The following EPB41L2 variants were observed in gnomAD, a reference collection of about 807,000 sequenced individuals.
The protein encoded by EPB41L2 is band 4.1-like protein 2.
In EPB41L2, 43 loss-of-function variants were observed where a neutral mutation model predicts 113.0. The observed-to-expected ratio is 0.38, with a 90% CI of 0.30 to 0.49. The LOEUF is 0.49. Among genes scored for constraint, EPB41L2 ranks in the 20% least tolerant of loss-of-function variants. The pLI is 0.95. For synonymous variants in EPB41L2, 442 were observed against 436.7 expected, an observed-to-expected ratio of 1.01 and a Z score of -0.15; for missense variants, 1,147 against 1,223.4, an observed-to-expected ratio of 0.94 and a Z score of 0.93.
At chr6:130,877,849 T>C (rs1466386005) in intron 14 of EPB41L2, among the ~76,000 whole-genome samples, 2 of 135,952 alleles carry the variant, frequency 1.5e-5, no homozygotes, top group Admixed American at 7.5e-5. Context: ...ATTACTACAA[T>C]TTACCTGAGT....
At chr6:130,969,855 A>G (rs927221732) in intron 1 of EPB41L2, among the ~76,000 whole-genome samples, 4 of 152,266 alleles carry the variant, frequency 2.6e-5, no homozygotes, top group Middle Eastern at 3.4e-3. Context: ...CTGATTTTGT[A>G]CAGTATTATG....
At position 130,955,156 on chromosome 6, in the gene EPB41L2, G is replaced by C. The variant is rs200083554; in HGVS notation, c.654C>G (p.Val218=). The change falls in exon 3 of 20, where the codon GTC becomes GTG. Residue 218 remains valine (V), a synonymous_variant. Coordinates refer to ENST00000337057, the MANE Select transcript of EPB41L2 (RefSeq NM_001431.4). The part of the protein sequence containing the change: ...SQKVTKKTKT[V]QCKVTLLDGT... The stretch of plus-strand genomic sequence containing the variant: ...CATCTAAGAGGGTCACTTTACACTG[G>C]ACAGTTTTGGTCTTCTTGGTGACTT... 6.2e-7 allele frequency: 1 copy of C among 1,614,130 alleles called. No homozygotes were observed. The highest frequency in any genetic ancestry group is 2.2e-5 in the East Asian group (1 of 44,880).
At chr6:130,986,868 A>G (rs1780681670) in intron 1 of EPB41L2, among the ~76,000 whole-genome samples, 1 of 152,234 alleles carries the variant, frequency 6.6e-6, no homozygotes, top group East Asian at 1.9e-4. Flanking sequence ...GATCTCATTA[A>G]AGAAAAAAGA....
chr6:130,917,387 G>A (rs755871363), intron 4 of EPB41L2, among the ~76,000 whole-genome samples: 1 of 152,122 alleles, frequency 6.6e-6, no homozygotes, highest in Non-Finnish European at 1.5e-5. Flanking sequence ...TAATAAGTTG[G>A]TTTAGTGGGA....
intron 19 of EPB41L2, among the ~76,000 whole-genome samples, chr6:130,854,188 A>G (rs909189953): frequency 2.0e-5 from 3 of 152,162 alleles, no homozygotes; most frequent in Admixed American, 6.5e-5. Context: ...TCACATTTAC[A>G]TTTTGTTCAT....
chr6:130,975,260 T>C (rs1777941280), intron 1 of EPB41L2, among the ~76,000 whole-genome samples: 1 of 152,244 alleles, frequency 6.6e-6, no homozygotes, highest in Admixed American at 6.5e-5. Flanking sequence ...AATGTCTCAT[T>C]ATTTCATTAA....
At chr6:130,877,652 C>T (rs867702112) in intron 14 of EPB41L2, among the ~76,000 whole-genome samples, 54 of 152,064 alleles carry the variant, frequency 3.6e-4, no homozygotes, top group African/African-American at 1.2e-3. Flanking sequence ...CAGGGCTCAT[C>T]GGTCTTTAAA....
intron 1 of EPB41L2, among the ~76,000 whole-genome samples, chr6:131,027,412 C>T (rs1005231766): frequency 2.1e-4 from 32 of 152,208 alleles, no homozygotes; most frequent in African/African-American, 7.2e-4. Flanking sequence ...GGCAAATAAG[C>T]TCCTTTCCAC....
intron 3 of EPB41L2, among the ~76,000 whole-genome samples, chr6:130,941,835 G>A (rs1390458856): frequency 6.6e-6 from 1 of 152,162 alleles, no homozygotes; most frequent in Non-Finnish European, 1.5e-5. Context: ...TGTGCCCTCA[G>A]GTGCCTCTCC....
chr6:130,933,801 A>G (rs1275221954), intron 3 of EPB41L2, among the ~76,000 whole-genome samples: 4 of 152,190 alleles, frequency 2.6e-5, no homozygotes, highest in African/African-American at 7.2e-5. Context: ...CCAAAACATG[A>G]CATTTCTGGA....
intron 4 of EPB41L2, among the ~76,000 whole-genome samples, chr6:130,913,922 T>C (rs1347053841): frequency 6.6e-6 from 1 of 152,148 alleles, no homozygotes; most frequent in African/African-American, 2.4e-5. Context: ...GAAAAATGCA[T>C]GAGGGTGTGT....
chr6:130,967,260 A>G (rs1471301185), intron 1 of EPB41L2, among the ~76,000 whole-genome samples: 1 of 151,080 alleles, frequency 6.6e-6, no homozygotes, highest in African/African-American at 2.4e-5. Context: ...TTGGTTGCAG[A>G]TACAGAAGTT....
At chr6:130,858,329 C>A in intron 18 of EPB41L2, 86 bp from the exon 19 acceptor site, 1 of 1,015,890 alleles carries the variant, frequency 9.8e-7, no homozygotes. Flanking sequence ...CTGATCACCT[C>A]GGACCCAACC....
intron 1 of EPB41L2, among the ~76,000 whole-genome samples, chr6:130,960,866 T>A (rs1045825679): frequency 6.6e-6 from 1 of 152,198 alleles, no homozygotes; most frequent in African/African-American, 2.4e-5. Context: ...ATGCTGACAT[T>A]CCCACTAAAA....
intron 1 of EPB41L2, among the ~76,000 whole-genome samples, chr6:130,977,422 T>C (rs992899871): frequency 6.6e-6 from 1 of 152,088 alleles, no homozygotes; most frequent in Non-Finnish European, 1.5e-5. Context: ...ATAATCTCAA[T>C]GCCTTTTCCT....
At chr6:130,915,807 C>T (rs1800854477) in intron 4 of EPB41L2, among the ~76,000 whole-genome samples, 1 of 151,554 alleles carries the variant, frequency 6.6e-6, no homozygotes, top group Non-Finnish European at 1.5e-5. Context: ...GGGAGTTTCT[C>T]TGCACAAGCT....
chr6:130,949,911 T>C lies in EPB41L2; in HGVS notation c.705+5194A>G, dbSNP rs9492766. On this transcript the variant is annotated intron_variant, in intron 3 of 19. Transcript: ENST00000337057. Reference sequence around the variant, plus strand: ...CTCTCCTTCTTATTTTTTAAGAACATCTTTTCTCTACCTTATTGTTAAGAA... The same window carrying C: ...CTCTCCTTCTTATTTTTTAAGAACACCTTTTCTCTACCTTATTGTTAAGAA... Among the ~76,000 whole-genome samples, 1,030 of 152,302 alleles carry C rather than the reference T, an allele frequency of 6.8e-3. 15 individuals carry two copies. The highest frequency in any genetic ancestry group is 0.023 in the African/African-American group (964 of 41,544).
intron 3 of EPB41L2, among the ~76,000 whole-genome samples, chr6:130,930,237 TTTTTTAATACA>T (rs1252684725): frequency 1.3e-5 from 2 of 152,176 alleles, no homozygotes; most frequent in Non-Finnish European, 2.9e-5. Context: ...GAGCCCACTA[TTTTTTAATACA>T]ACATTTACTA....
intron 1 of EPB41L2, among the ~76,000 whole-genome samples, chr6:131,046,988 G>A (rs1795595212): frequency 6.6e-6 from 1 of 152,164 alleles, no homozygotes; most frequent in Non-Finnish European, 1.5e-5. Flanking sequence ...ATATAAGACA[G>A]TAGTTATGGC....
Sources: gnomAD v4.1 joint callset for allele counts (sites outside exome capture counted in the v4.1 genomes callset) on GRCh38, gnomAD v4.1.1 for gene constraint, MANE v1.5 for transcripts, NCBI Gene and HGNC (gene_info 2026-07-23, HGNC 2026-07-21) for gene names.